MRTFA: variants seen among roughly 807,000 people sequenced by gnomAD.
MRTFA encodes the protein myocardin related transcription factor A.
In MRTFA, 20 loss-of-function variants were observed where a neutral mutation model predicts 83.5. That is an observed-to-expected ratio of 0.24 (90% CI 0.17 to 0.35). The LOEUF is 0.35. Among genes scored for constraint, MRTFA ranks in the 10% least tolerant of loss-of-function variants. MRTFA has a pLI of 1.00. For missense variants in MRTFA, 1,200 were observed against 1,224.7 expected (o/e 0.98, Z 0.30); for synonymous variants, 659 against 541.2 (o/e 1.22, Z -3.02).
At chr22:40,574,440 A>ATTATTTTT (rs764460675) in intron 2 of MRTFA, among the ~76,000 whole-genome samples, 52 of 147,794 alleles carry the variant, frequency 3.5e-4, no homozygotes, top group East Asian at 2.0e-3. Context: ...TATTATTATT[A>ATTATTTTT]TTTTTTTTTT....
chr22:40,538,588 T>TTA (rs1211137428), intron 3 of MRTFA, among the ~76,000 whole-genome samples: 1 of 131,836 alleles, frequency 7.6e-6, no homozygotes, highest in Non-Finnish European at 1.7e-5. Context: ...AAAAAAAAAA[T>TTA]TAAACAAGAA....
At chr22:40,630,022 T>C (rs1407827029) in intron 1 of MRTFA, among the ~76,000 whole-genome samples, 1 of 151,696 alleles carries the variant, frequency 6.6e-6, no homozygotes, top group Non-Finnish European at 1.5e-5. Context: ...ATTTAAAAGG[T>C]ACAGGACTGG....
At chr22:40,602,994 T>G (rs911534855) in intron 1 of MRTFA, among the ~76,000 whole-genome samples, 1 of 152,234 alleles carries the variant, frequency 6.6e-6, no homozygotes, top group Admixed American at 6.5e-5. Flanking sequence ...TACTTAATCC[T>G]TTAAAATATT....
chr22:40,429,850 C>T, intron 6 of MRTFA, 83 bp from the exon 7 acceptor site: 2 of 1,399,690 alleles, frequency 1.4e-6, no homozygotes, highest in Non-Finnish European at 1.9e-6. Flanking sequence ...AGCTCTCCTT[C>T]CTCCTGGGCA....
At chr22:40,627,589 T>G (rs141249133) in intron 1 of MRTFA, among the ~76,000 whole-genome samples, 1 of 152,338 alleles carries the variant, frequency 6.6e-6, no homozygotes, top group East Asian at 1.9e-4. Context: ...TTTCGCTAAC[T>G]ATGCAAAAGA....
intron 1 of MRTFA, among the ~76,000 whole-genome samples, chr22:40,600,009 C>CA (rs34183268): frequency 0.02 from 2,418 of 121,482 alleles, 40 homozygotes; most frequent in South Asian, 0.047. Context: ...TTTGACTTAT[C>CA]AAAAAAAAAA....
intron 1 of MRTFA, among the ~76,000 whole-genome samples, chr22:40,612,311 T>C (rs2056396040): frequency 6.6e-6 from 1 of 152,300 alleles, no homozygotes; most frequent in African/African-American, 2.4e-5. Context: ...GGCAAGAGAA[T>C]GAAGGATGAA....
chr22:40,569,768 CATA>C lies in MRTFA; in HGVS notation c.-21-17404_-21-17402del, dbSNP rs1569333161. On this transcript the variant is annotated intron_variant, in intron 2 of 14. Coordinates refer to ENST00000355630, the MANE Select transcript of MRTFA (RefSeq NM_020831.6). ...ACATACATACATACATACATACATA[CATA>C]CATACATCAAGGGGGTGATGTCTCT... 2.9e-3 allele frequency: 357 copies of C among 124,014 alleles called. 4 individuals are homozygous for C. The highest frequency in any genetic ancestry group is 0.019 in the East Asian group (92 of 4,854). The allele number at this position is 124,014 out of a possible 1,614,324, so 7.7% of individuals were successfully genotyped here.
chr22:40,510,373 G>C (rs2054648484), intron 3 of MRTFA, among the ~76,000 whole-genome samples: 1 of 152,062 alleles, frequency 6.6e-6, no homozygotes, highest in South Asian at 2.1e-4. Context: ...CACAAAGAAG[G>C]CAAGCTCATG....
rs1016726029 is a variant in MRTFA, at chr22:40,410,544, G to A, written c.*846C>T. The A allele has an allele frequency of 4.3e-6, 1 of 233,440 alleles. No homozygotes were observed. Among genetic ancestry groups the A allele is most frequent in the Non-Finnish European group, 8.5e-6 (1 of 117,860 alleles). 14.5% of individuals were successfully genotyped at this position (233,440 alleles called of 1,614,324 possible). The stretch of plus-strand genomic sequence containing the variant: ...GTGAGTGGGTGGAGAGCTCCTGGCA[G>A]GAAGGCCAGGTAGCACCTCTGCCCT... On this transcript the variant is annotated 3_prime_UTR_variant, in exon 15 of 15. Coordinates refer to ENST00000355630, the MANE Select transcript of MRTFA (RefSeq NM_020831.6).
intron 3 of MRTFA, among the ~76,000 whole-genome samples, chr22:40,477,986 A>T (rs1413604450): frequency 6.6e-6 from 1 of 151,262 alleles, no homozygotes; most frequent in Non-Finnish European, 1.5e-5. Context: ...ATTAAAATCA[A>T]ATATACAGTT....
chr22:40,489,208 A>G (rs1359828542), intron 3 of MRTFA, among the ~76,000 whole-genome samples: 2 of 152,142 alleles, frequency 1.3e-5, no homozygotes, highest in East Asian at 3.8e-4. Flanking sequence ...TCCCTCGAAC[A>G]CCTGCTTCAG....
chr22:40,622,870 T>C (rs2056540060), intron 1 of MRTFA, among the ~76,000 whole-genome samples: 1 of 152,184 alleles, frequency 6.6e-6, no homozygotes, highest in Admixed American at 6.5e-5. Flanking sequence ...TAGAGATGGC[T>C]TGGAAGAGGG....
chr22:40,420,918 G>T lies in MRTFA; in HGVS notation c.1110C>A (p.Leu370=). ...GCTGCTGGTTGAGGATCTGCAGCTGGAGGAAGAGCTGCTGCTGCTGCAGGA... is the reference window on the plus strand; with the variant it reads ...GCTGCTGGTTGAGGATCTGCAGCTGTAGGAAGAGCTGCTGCTGCTGCAGGA... The change falls in exon 10 of 15, where the codon CTC becomes CTA. Residue 370 remains leucine, a synonymous_variant. Coordinates refer to ENST00000355630, the MANE Select transcript of MRTFA (RefSeq NM_020831.6). 1 of 1,614,196 alleles carries T rather than the reference G, an allele frequency of 6.2e-7. No homozygotes were observed. Among genetic ancestry groups the T allele is most frequent in the Non-Finnish European group, 8.5e-7 (1 of 1,180,006 alleles).
intron 3 of MRTFA, among the ~76,000 whole-genome samples, chr22:40,466,811 GATTGAAA>G (rs1159953033): frequency 2.0e-5 from 3 of 152,034 alleles, no homozygotes; most frequent in African/African-American, 7.2e-5. Flanking sequence ...TAAACTTCTT[GATTGAAA>G]AACTTCTTGC....
intron 3 of MRTFA, among the ~76,000 whole-genome samples, chr22:40,538,427 CT>C (rs2055226992): frequency 6.6e-6 from 1 of 150,938 alleles, no homozygotes; most frequent in African/African-American, 2.4e-5. Flanking sequence ...GACACAAACA[CT>C]GCAGAAGGCC....
At chr22:40,592,492 C>CTTT (rs978906466) in intron 2 of MRTFA, among the ~76,000 whole-genome samples, 1 of 130,062 alleles carries the variant, frequency 7.7e-6, no homozygotes, top group Non-Finnish European at 1.7e-5. Context: ...TTTTTTTTTT[C>CTTT]TTTTTTTTTT....
chr22:40,456,703 A>C (rs1442778795), intron 4 of MRTFA, among the ~76,000 whole-genome samples: 1 of 152,130 alleles, frequency 6.6e-6, no homozygotes, highest in Non-Finnish European at 1.5e-5. Context: ...ATATATAAAC[A>C]AATTTTAAAA....
chr22:40,459,822 C>CACACACACATATACATATATATAT (rs1308675939), intron 4 of MRTFA, among the ~76,000 whole-genome samples: 1 of 68,266 alleles, frequency 1.5e-5, no homozygotes, highest in African/African-American at 6.5e-5. Flanking sequence ...CACACACACA[C>CACACACACATATACATATATATAT]ATATATACAT....
Sources: allele counts gnomAD v4.1 joint callset (sites outside exome capture counted in the v4.1 genomes callset), GRCh38; gene constraint gnomAD v4.1.1; transcripts MANE v1.5; gene names NCBI Gene and HGNC (gene_info 2026-07-23, HGNC 2026-07-21).